DENND1A: variants seen among roughly 807,000 people sequenced by gnomAD.
DENND1A encodes the protein DENN domain containing 1A.
DENND1A carries 51 observed loss-of-function variants against 113.7 expected under a neutral mutation model. The observed-to-expected ratio is 0.45, with a 90% confidence interval of 0.36 to 0.57. The LOEUF (loss-of-function observed/expected upper bound fraction) is 0.57, where lower values mean the gene tolerates loss of function less well. DENND1A is among the 20% of genes least tolerant of loss of function. DENND1A has a pLI of 0.00. For missense variants in DENND1A, 1,258 were observed against 1,395.9 expected (o/e 0.90, Z 1.57); for synonymous variants, 565 against 570.8 (o/e 0.99, Z 0.14).
At chr9:123,388,935 G>C (rs2042702994) in intron 21 of DENND1A, among the ~76,000 whole-genome samples, 1 of 152,244 alleles carries the variant, frequency 6.6e-6, no homozygotes, top group South Asian at 2.1e-4. Context: ...GGCTTGCTCT[G>C]AGGCGAGTGA....
rs73580135 is a variant in DENND1A, at chr9:123,637,752, G to C, written c.619-7276C>G. 9.8e-3 allele frequency among the ~76,000 whole-genome samples: 1,487 copies of C among 152,270 alleles called. 18 individuals are homozygous for C. The highest frequency in any genetic ancestry group is 0.034 in the African/African-American group (1,405 of 41,544). ...TGCCGGACATGTGAGTAGAAGGAAA[G>C]AGCAAACAGTGTCTTGCTTTTCTTA... On this transcript the variant is annotated intron_variant, in intron 9 of 23. Transcript: ENST00000394215.
intron 21 of DENND1A, among the ~76,000 whole-genome samples, chr9:123,396,611 T>C (rs1179909535): frequency 6.6e-6 from 1 of 152,250 alleles, no homozygotes; most frequent in Non-Finnish European, 1.5e-5. Context: ...TAAATGCTTC[T>C]GGCAGCTTCT....
At chr9:123,729,179 G>A (rs1305743485) in intron 5 of DENND1A, among the ~76,000 whole-genome samples, 1 of 152,136 alleles carries the variant, frequency 6.6e-6, no homozygotes, top group Non-Finnish European at 1.5e-5. Flanking sequence ...AAAACTGGAA[G>A]CATTCCCTTT....
chr9:123,505,739 C>T (rs1272062067), intron 13 of DENND1A, among the ~76,000 whole-genome samples: 1 of 152,142 alleles, frequency 6.6e-6, no homozygotes, highest in Non-Finnish European at 1.5e-5. Context: ...CACTTAAAAG[C>T]CCACTTTCCC....
intron 11 of DENND1A, among the ~76,000 whole-genome samples, chr9:123,595,129 G>T (rs978319241): frequency 3.3e-5 from 5 of 152,154 alleles, no homozygotes; most frequent in African/African-American, 1.2e-4. Context: ...CAGTTCAGAG[G>T]AGCCCTGAAA....
intron 5 of DENND1A, among the ~76,000 whole-genome samples, chr9:123,715,929 G>A (rs527331235): frequency 4.2e-4 from 64 of 152,188 alleles, no homozygotes; most frequent in Non-Finnish European, 6.3e-4. Flanking sequence ...CCCCACCTCA[G>A]CCTCCCAAAG....
intron 12 of DENND1A, among the ~76,000 whole-genome samples, chr9:123,579,871 C>A (rs955996058): frequency 6.6e-6 from 1 of 152,144 alleles, no homozygotes; most frequent in Non-Finnish European, 1.5e-5. Flanking sequence ...CATCTCCCCC[C>A]ATTACAATCT....
At chr9:123,467,480 C>A (rs2049050332) in intron 13 of DENND1A, among the ~76,000 whole-genome samples, 1 of 152,062 alleles carries the variant, frequency 6.6e-6, no homozygotes, top group African/African-American at 2.4e-5. Flanking sequence ...ATGGTGAAGC[C>A]CCATCTCTAC....
intron 2 of DENND1A, among the ~76,000 whole-genome samples, chr9:123,818,559 C>CATAT (rs1444727442): frequency 1.1e-4 from 14 of 123,580 alleles, no homozygotes; most frequent in African/African-American, 4.0e-4. Context: ...CACACACACA[C>CATAT]ACACACACAT....
intron 1 of DENND1A, among the ~76,000 whole-genome samples, chr9:123,901,899 G>A (rs556156937): frequency 3.9e-5 from 6 of 152,050 alleles, no homozygotes; most frequent in East Asian, 1.9e-4. Flanking sequence ...CCAGCTACTC[G>A]AGAGGCTGAG....
At chr9:123,552,021 G>GAGAGAGAGAGACAGAGAC (rs2057095609) in intron 13 of DENND1A, among the ~76,000 whole-genome samples, 1 of 93,472 alleles carries the variant, frequency 1.1e-5, no homozygotes, top group Non-Finnish European at 2.1e-5. Flanking sequence ...GCGAGAGCGA[G>GAGAGAGAGAGACAGAGAC]AGAGAGAGAG....
intron 13 of DENND1A, among the ~76,000 whole-genome samples, chr9:123,501,832 T>C (rs935240068): frequency 1.3e-5 from 2 of 152,204 alleles, no homozygotes; most frequent in Non-Finnish European, 1.5e-5. Flanking sequence ...TACATCTTTC[T>C]CTCGTGCTAG....
At chr9:123,655,642 G>A (rs2062903461) in intron 8 of DENND1A, among the ~76,000 whole-genome samples, 2 of 152,154 alleles carry the variant, frequency 1.3e-5, no homozygotes, top group African/African-American at 4.8e-5. Context: ...ACTGGGGTGA[G>A]GGCTGTACAC....
rs2139809928 is a variant in DENND1A at position 123,665,294 on chromosome 9, G to A, written c.507+1732C>T. Reference sequence around the variant, plus strand: ...ATTAAATAATTATGGTAGTTACCATGTAAGCTTGTTGAGAGAGCTAAATGA... The same window carrying A: ...ATTAAATAATTATGGTAGTTACCATATAAGCTTGTTGAGAGAGCTAAATGA... On this transcript the variant is annotated intron_variant, in intron 8 of 23. Coordinates refer to ENST00000394215, the MANE Select transcript of DENND1A (RefSeq NM_001352964.2). Among the ~76,000 whole-genome samples, 4 of 152,254 alleles carry A rather than the reference G, an allele frequency of 2.6e-5. No individual in the cohort carries two copies. The South Asian group carries it at 8.3e-4, about 32-fold the overall frequency.
chr9:123,440,185 T>C, intron 19 of DENND1A, 175 bp downstream of exon 19: 1 of 865,470 alleles, frequency 1.2e-6, no homozygotes, highest in South Asian at 1.9e-5. Context: ...TTTTTGAAAA[T>C]TTGCCTGCAA....
At chr9:123,521,547 T>C (rs540695114) in intron 13 of DENND1A, among the ~76,000 whole-genome samples, 1 of 152,292 alleles carries the variant, frequency 6.6e-6, no homozygotes, top group East Asian at 1.9e-4. Flanking sequence ...TACAATAAAA[T>C]TGTTCATAAG....
At chr9:123,879,574 A>ACACACACACACACAC (rs1439718537) in intron 1 of DENND1A, among the ~76,000 whole-genome samples, 1 of 152,024 alleles carries the variant, frequency 6.6e-6, no homozygotes, top group South Asian at 2.1e-4. Context: ...ACACACACAC[A>ACACACACACACACAC]AATTGTCTAG....
chr9:123,919,138 A>G lies in DENND1A; in HGVS notation c.17+10751T>C, dbSNP rs143146517. On this transcript the variant is annotated intron_variant, in intron 1 of 23. Transcript: ENST00000394215. ...CCACCGTTTTTTTTAAATTTGACAT[A>G]ACTGAAAAACTTTGAACACTGACTG... is the stretch of plus-strand genomic sequence containing the variant. Among the ~76,000 whole-genome samples, 660 of 152,250 alleles carry G rather than the reference A, an allele frequency of 4.3e-3. 5 individuals carry two copies. The highest frequency in any genetic ancestry group is 0.024 in the Middle Eastern group (7 of 294).
intron 2 of DENND1A, among the ~76,000 whole-genome samples, chr9:123,804,922 A>G (rs1180561498): frequency 6.6e-6 from 1 of 152,154 alleles, no homozygotes; most frequent in Admixed American, 6.5e-5. Flanking sequence ...AACTCAATAC[A>G]GGGCCTCCTC....
Sources: allele counts gnomAD v4.1 joint callset (sites outside exome capture counted in the v4.1 genomes callset), GRCh38; gene constraint gnomAD v4.1.1; transcripts MANE v1.5; gene names NCBI Gene and HGNC (gene_info 2026-07-23, HGNC 2026-07-21).